ZNF385B: variants seen among roughly 807,000 people sequenced by gnomAD.
The protein encoded by ZNF385B is zinc finger protein 385B.
ZNF385B carries 23 observed loss-of-function variants against 39.2 expected under a neutral mutation model. That is an observed-to-expected ratio of 0.59 (90% CI 0.42 to 0.83). The LOEUF is 0.83. ZNF385B is among the 40% of genes least tolerant of loss of function. ZNF385B has a pLI of 0.00. For missense variants in ZNF385B, 552 were observed against 598.9 expected, an observed-to-expected ratio of 0.92 and a Z score of 0.82; for synonymous variants, 205 against 222.6, an observed-to-expected ratio of 0.92 and a Z score of 0.70.
chr2:179,736,252 A>G (rs578085602), intron 3 of ZNF385B, among the ~76,000 whole-genome samples: 140 of 152,282 alleles, frequency 9.2e-4, no homozygotes, highest in African/African-American at 3.2e-3. Context: ...AAAACTCTCC[A>G]TCTTACTTGA....
chr2:179,850,215 C>T (rs1355863140), intron 1 of ZNF385B, among the ~76,000 whole-genome samples: 2 of 152,176 alleles, frequency 1.3e-5, no homozygotes, highest in Non-Finnish European at 2.9e-5. Flanking sequence ...ATATCCCTCT[C>T]CCCTAAAGTC....
intron 4 of ZNF385B, among the ~76,000 whole-genome samples, chr2:179,528,600 G>A (rs1200063434): frequency 1.3e-5 from 2 of 152,150 alleles, no homozygotes; most frequent in African/African-American, 2.4e-5. Context: ...CAAATGAACT[G>A]GTGATTTCAC....
intron 3 of ZNF385B, among the ~76,000 whole-genome samples, chr2:179,580,157 T>C (rs1444112091): frequency 1.3e-5 from 2 of 152,158 alleles, no homozygotes; most frequent in Admixed American, 6.5e-5. Flanking sequence ...CAAATTACCA[T>C]GAGGATTAAA....
chr2:179,841,850 T>A (rs1465972240), intron 1 of ZNF385B, among the ~76,000 whole-genome samples: 1 of 152,104 alleles, frequency 6.6e-6, no homozygotes, highest in Admixed American at 6.5e-5. Context: ...TAGAACCAGA[T>A]GAGATTAAAA....
chr2:179,662,695 C>G (rs555477472), intron 3 of ZNF385B, among the ~76,000 whole-genome samples: 1 of 151,882 alleles, frequency 6.6e-6, no homozygotes, highest in African/African-American at 2.4e-5. Context: ...TTAAGTGAAT[C>G]CCCCCCAAAA....
At chr2:179,690,670 C>T (rs1559094109) in intron 3 of ZNF385B, among the ~76,000 whole-genome samples, 1 of 152,114 alleles carries the variant, frequency 6.6e-6, no homozygotes, top group Non-Finnish European at 1.5e-5. Context: ...GGGTCAAATT[C>T]CATTTTCACC....
intron 3 of ZNF385B, among the ~76,000 whole-genome samples, chr2:179,754,007 T>G (rs1702851948): frequency 6.6e-6 from 1 of 152,230 alleles, no homozygotes; most frequent in Non-Finnish European, 1.5e-5. Flanking sequence ...CCCTGTCTTG[T>G]GCCAGTTTTC....
intron 3 of ZNF385B, among the ~76,000 whole-genome samples, chr2:179,711,575 A>G (rs1158855624): frequency 6.6e-6 from 1 of 152,168 alleles, no homozygotes. Context: ...ATCCAAGCTA[A>G]AGAATCTGGG....
At chr2:179,795,182 CAGA>C (rs1705580860) in intron 1 of ZNF385B, among the ~76,000 whole-genome samples, 1 of 151,748 alleles carries the variant, frequency 6.6e-6, no homozygotes. Flanking sequence ...AGAAAGTTCT[CAGA>C]AGAAGGAGGT....
chr2:179,779,931 A>T lies in ZNF385B; in HGVS notation c.-154-9259T>A, dbSNP rs145124945. Among the ~76,000 whole-genome samples, 13 of 152,292 alleles carry T rather than the reference A, an allele frequency of 8.5e-5. No individual in the cohort carries two copies. In the East Asian group the frequency reaches 2.5e-3, roughly 29 times the overall value. On this transcript the variant is annotated intron_variant, in intron 1 of 9. Transcript: ENST00000410066. ...TTCATTAAAGAAATAATTTTTAAGTACCTAGGACAGTTTTTAAAAATATTG... is the reference window on the plus strand; with the variant it reads ...TTCATTAAAGAAATAATTTTTAAGTTCCTAGGACAGTTTTTAAAAATATTG...
At chr2:179,457,879 G>C (rs1209720396) in intron 6 of ZNF385B, among the ~76,000 whole-genome samples, 1 of 152,110 alleles carries the variant, frequency 6.6e-6, no homozygotes, top group Non-Finnish European at 1.5e-5. Context: ...TGTTTAAAAA[G>C]ACAAAGCCCC....
chr2:179,702,213 C>A (rs1050368049), intron 3 of ZNF385B, among the ~76,000 whole-genome samples: 1 of 152,122 alleles, frequency 6.6e-6, no homozygotes, highest in Non-Finnish European at 1.5e-5. Context: ...TGATTTTCAT[C>A]TTGTATTTCT....
chr2:179,757,015 T>C (rs1308403281), intron 3 of ZNF385B, among the ~76,000 whole-genome samples: 1 of 152,248 alleles, frequency 6.6e-6, no homozygotes, highest in Admixed American at 6.5e-5. Flanking sequence ...AGGAGCTGTG[T>C]TCCTTTGGAG....
intron 1 of ZNF385B, among the ~76,000 whole-genome samples, chr2:179,859,666 T>C (rs1477491591): frequency 6.6e-6 from 1 of 152,230 alleles, no homozygotes; most frequent in Non-Finnish European, 1.5e-5. Flanking sequence ...AGAGTGTAAA[T>C]TATAAATCCA....
intron 5 of ZNF385B, among the ~76,000 whole-genome samples, chr2:179,496,768 G>T (rs1224165897): frequency 6.6e-6 from 1 of 152,198 alleles, no homozygotes; most frequent in Non-Finnish European, 1.5e-5. Flanking sequence ...TGATGGAGAG[G>T]CCAGGAGTGT....
chr2:179,463,131 A>G (rs899182173), intron 6 of ZNF385B, among the ~76,000 whole-genome samples: 1 of 152,142 alleles, frequency 6.6e-6, no homozygotes, highest in African/African-American at 2.4e-5. Context: ...ATCAGTGTGT[A>G]TAGTCCATGC....
intron 3 of ZNF385B, among the ~76,000 whole-genome samples, chr2:179,547,170 C>T (rs1246000076): frequency 1.3e-5 from 2 of 149,432 alleles, no homozygotes; most frequent in African/African-American, 5.0e-5. Flanking sequence ...CTGTGGGTTG[C>T]CTCTTCACTT....
chr2:179,693,829 G>A (rs1698528467), intron 3 of ZNF385B, among the ~76,000 whole-genome samples: 1 of 152,206 alleles, frequency 6.6e-6, no homozygotes, highest in South Asian at 2.1e-4. Context: ...ATAATCAGAT[G>A]TTTGTCTGAT....
intron 3 of ZNF385B, among the ~76,000 whole-genome samples, chr2:179,737,751 T>C (rs1371813614): frequency 6.6e-6 from 1 of 152,176 alleles, no homozygotes; most frequent in Non-Finnish European, 1.5e-5. Flanking sequence ...CACTTAATCT[T>C]TGCAACAAAT....
Sources: gnomAD v4.1 joint callset for allele counts (sites outside exome capture counted in the v4.1 genomes callset) on GRCh38, gnomAD v4.1.1 for gene constraint, MANE v1.5 for transcripts, NCBI Gene and HGNC (gene_info 2026-07-23, HGNC 2026-07-21) for gene names.